The following SORCS2 variants were observed in gnomAD, a reference collection of about 807,000 sequenced individuals.
The protein encoded by SORCS2 is sortilin related VPS10 domain containing receptor 2, also known as VPS10 domain-containing receptor SorCS2.
SORCS2 carries 100 observed loss-of-function variants against 141.6 expected under a neutral mutation model. The ratio of observed to expected loss-of-function variants is 0.71; its 90% CI spans 0.60 to 0.83. The LOEUF (loss-of-function observed/expected upper bound fraction) is 0.83, where lower values mean the gene tolerates loss of function less well. Ranked by LOEUF, SORCS2 falls within the 40% of genes least tolerant of loss-of-function variation. SORCS2 has a pLI of 0.00. For missense variants in SORCS2, 1,646 were observed against 1,560.2 expected (o/e 1.05, Z -0.93); for synonymous variants, 789 against 676.9 (o/e 1.17, Z -2.57).
chr4:7,530,752 T>C (rs879640559), intron 2 of SORCS2, among the ~76,000 whole-genome samples: 7 of 152,256 alleles, frequency 4.6e-5, no homozygotes, highest in Admixed American at 4.6e-4. Context: ...AAGTTGCCTT[T>C]GTGGCTTATC....
chr4:7,436,503 C>G (rs547360209), intron 2 of SORCS2, among the ~76,000 whole-genome samples: 4 of 152,252 alleles, frequency 2.6e-5, no homozygotes, highest in Admixed American at 1.3e-4. Context: ...GTCTCTTGCA[C>G]TGAGGGGGTG....
chr4:7,332,361 C>T lies in SORCS2; in HGVS notation c.481-63927C>T, dbSNP rs188777057. ...CTCCAAGAACAGGACCACAGAGGCACCCGCAGCCTCCTGCAGACAGTGGGT... is the reference window on the plus strand; with the variant it reads ...CTCCAAGAACAGGACCACAGAGGCATCCGCAGCCTCCTGCAGACAGTGGGT... On this transcript the variant is annotated intron_variant, in intron 1 of 26. Transcript: ENST00000507866. 4.6e-5 allele frequency among the ~76,000 whole-genome samples: 7 copies of T among 152,334 alleles called. No homozygotes were observed. In the East Asian group the frequency reaches 1.2e-3, roughly 25 times the overall value.
chr4:7,599,143 T>C (rs1303891059), intron 3 of SORCS2, among the ~76,000 whole-genome samples: 1 of 152,044 alleles, frequency 6.6e-6, no homozygotes, highest in Admixed American at 6.5e-5. Flanking sequence ...AGGCTTCTCA[T>C]GGCCGCCCTG....
At chr4:7,564,212 C>T (rs967808354) in intron 3 of SORCS2, among the ~76,000 whole-genome samples, 1 of 152,184 alleles carries the variant, frequency 6.6e-6, no homozygotes, top group African/African-American at 2.4e-5. Flanking sequence ...ACACTTGAGG[C>T]CATTTGTCCC....
Position 7,386,236 on chromosome 4 carries a change from ATGCACACG to A in SORCS2, c.481-10044_481-10037del, listed in dbSNP as rs754273199. Among the ~76,000 whole-genome samples, 96 of 62,538 alleles carry A rather than the reference ATGCACACG, an allele frequency of 1.5e-3. 9 individuals are homozygous for A. Among genetic ancestry groups the A allele is most frequent in the Non-Finnish European group, 1.7e-3 (47 of 27,140 alleles). The allele number at this position is 62,538 out of a possible 152,430, so 41.0% of individuals were successfully genotyped here. A position where few individuals can be genotyped will look rare whatever the true frequency, so the allele number is the denominator to read the frequency against. On this transcript the variant is annotated intron_variant, in intron 1 of 26. Coordinates refer to ENST00000507866, the MANE Select transcript of SORCS2 (RefSeq NM_020777.3). ...ACGCACACACATGCCCACCATACAC[ATGCACACG>A]TGCACACACATACAGGTACACAGAG... is the stretch of plus-strand genomic sequence containing the variant.
intron 2 of SORCS2, among the ~76,000 whole-genome samples, chr4:7,458,473 A>G (rs1376051842): frequency 6.6e-6 from 1 of 152,116 alleles, no homozygotes; most frequent in East Asian, 1.9e-4. Context: ...GAATTCCCCC[A>G]TGGTCCCCAT....
chr4:7,490,678 C>T (rs1731263079), intron 2 of SORCS2, among the ~76,000 whole-genome samples: 1 of 152,196 alleles, frequency 6.6e-6, no homozygotes, highest in South Asian at 2.1e-4. Context: ...GTCCTGGCCC[C>T]AGCAGGGGTA....
chr4:7,533,401 C>G (rs1261493949), intron 3 of SORCS2, among the ~76,000 whole-genome samples: 2 of 152,334 alleles, frequency 1.3e-5, no homozygotes, highest in East Asian at 3.9e-4. Flanking sequence ...AGGGCCCACA[C>G]TGACCCCAGA....
intron 2 of SORCS2, among the ~76,000 whole-genome samples, chr4:7,513,978 C>T (rs12650698): frequency 0.28 from 42,203 of 152,010 alleles, 7,170 homozygotes; most frequent in East Asian, 0.74. Context: ...TGGCTTTCCC[C>T]GTACTTTTAC....
At chr4:7,682,663 A>C in intron 9 of SORCS2, 80 bp from the exon 10 acceptor site, 4 of 1,417,466 alleles carry the variant, frequency 2.8e-6, no homozygotes, top group Non-Finnish European at 3.8e-6. Context: ...CACTTTAGCA[A>C]GGGGCTGGAG....
intron 2 of SORCS2, among the ~76,000 whole-genome samples, chr4:7,467,624 A>G (rs1289441191): frequency 6.6e-6 from 1 of 152,178 alleles, no homozygotes; most frequent in Non-Finnish European, 1.5e-5. Context: ...ACTAAGCTTC[A>G]GAGGCCTCCT....
At chr4:7,610,781 A>G (rs1041728401) in intron 3 of SORCS2, among the ~76,000 whole-genome samples, 1 of 152,212 alleles carries the variant, frequency 6.6e-6, no homozygotes, top group African/African-American at 2.4e-5. Flanking sequence ...CAGTGCAGTC[A>G]GCACTACGAT....
intron 3 of SORCS2, among the ~76,000 whole-genome samples, chr4:7,535,022 G>A (rs1426851892): frequency 6.6e-6 from 1 of 152,162 alleles, no homozygotes; most frequent in Non-Finnish European, 1.5e-5. Context: ...CTGGCCTCCC[G>A]TGGGCCCTCC....
At chr4:7,726,578 T>C (rs1727233309) in intron 20 of SORCS2, among the ~76,000 whole-genome samples, 1 of 151,196 alleles carries the variant, frequency 6.6e-6, no homozygotes, top group African/African-American at 2.5e-5. Context: ...TGTCTCAAAA[T>C]AAAATAAAAT....
chr4:7,542,608 CCTT>C (rs1184625969), intron 3 of SORCS2, among the ~76,000 whole-genome samples: 4 of 152,262 alleles, frequency 2.6e-5, no homozygotes, highest in Non-Finnish European at 5.9e-5. Context: ...ATTGTTGACA[CCTT>C]CATTTTGAAC....
At chr4:7,712,704 C>G (rs545642945) in intron 14 of SORCS2, 29 bp from the exon 15 acceptor site, 4 of 1,613,214 alleles carry the variant, frequency 2.5e-6, no homozygotes, top group Non-Finnish European at 3.4e-6. Context: ...AGGTGGTTTT[C>G]TCTCCCTTCC....
Position 7,718,146 on chromosome 4 carries a change from C to T in SORCS2, c.2387C>T (p.Pro796Leu). 6.2e-7 allele frequency: 1 copy of T among 1,611,716 alleles called. No homozygotes were observed. The highest frequency in any genetic ancestry group is 1.3e-5 in the African/African-American group (1 of 74,988). The change falls in exon 18 of 27, where the codon CCT becomes CTT. Residue 796 changes from proline (P) to leucine (L), a missense_variant. Physicochemically the swap from Pro to Leu is moderately conservative, Grantham distance 98. Coordinates refer to ENST00000507866, the MANE Select transcript of SORCS2 (RefSeq NM_020777.3). ...SIQGEAVAVR[P>L]GEDVLFVVRQ... ...CAAGGCGAGGCGGTGGCCGTGCGGCCTGGAGAGGACGTCCTGTTTGTGGTG... is the reference window on the plus strand; with the variant it reads ...CAAGGCGAGGCGGTGGCCGTGCGGCTTGGAGAGGACGTCCTGTTTGTGGTG...
chr4:7,280,872 G>T (rs928859307), intron 1 of SORCS2, among the ~76,000 whole-genome samples: 1 of 152,206 alleles, frequency 6.6e-6, no homozygotes, highest in Admixed American at 6.5e-5. Flanking sequence ...CCTGGTACCC[G>T]GTGAGGGCTT....
In SORCS2 at chr4:7,226,616, C is replaced by G. The variant is rs372839072; in HGVS notation, c.480+33490C>G. 9.5e-4 allele frequency among the ~76,000 whole-genome samples: 145 copies of G among 152,294 alleles called. 1 individual carries two copies. Among genetic ancestry groups the G allele is most frequent in the African/African-American group, 3.1e-3 (129 of 41,548 alleles). On this transcript the variant is annotated intron_variant, in intron 1 of 26. Coordinates refer to ENST00000507866, the MANE Select transcript of SORCS2 (RefSeq NM_020777.3). ...CAAAGAAAACCCCGGCCCCTTCCCCCGAGGCCACTAATCCAGACCGCCATC... is the reference window on the plus strand; with the variant it reads ...CAAAGAAAACCCCGGCCCCTTCCCCGGAGGCCACTAATCCAGACCGCCATC...
Sources: gnomAD v4.1 joint callset for allele counts (sites outside exome capture counted in the v4.1 genomes callset) on GRCh38, gnomAD v4.1.1 for gene constraint, MANE v1.5 for transcripts, NCBI Gene and HGNC (gene_info 2026-07-23, HGNC 2026-07-21) for gene names.